Variants in TPRG1 observed in about 807,000 individuals in gnomAD.
TPRG1 encodes the protein tumor protein p63 regulated 1, also known as tumor protein p63-regulated gene 1 protein.
Under a neutral mutation model 29.3 loss-of-function variants are expected in TPRG1, and 29 were observed. The observed-to-expected ratio is 0.99, with a 90% CI of 0.74 to 1.35. The LOEUF is 1.35. Ranked by LOEUF, TPRG1 falls within the 40% of genes most tolerant of loss-of-function variation. The probability of loss-of-function intolerance (pLI) is 0.00; values close to 1 mark genes in which losing one functional copy is unlikely to be tolerated. For synonymous variants in TPRG1, 130 were observed against 116.8 expected (o/e 1.11, Z -0.73); for missense variants, 327 against 335.0 (o/e 0.98, Z 0.19).
At chr3:189,096,893 TTCTC>T (rs933390898), upstream of TPRG1, among the ~76,000 whole-genome samples, 2 of 151,610 alleles carry the variant, frequency 1.3e-5, no homozygotes, top group Non-Finnish European at 2.9e-5. Flanking sequence ...CTGTAGACAG[TTCTC>T]TCTCTCTCTC....
At chr3:189,127,128 T>A (rs1243129569) in exon 2 of TPRG1, 1 of 152,198 alleles carries the variant, frequency 6.6e-6, no homozygotes, top group Admixed American at 6.5e-5. Flanking sequence ...AGAAAGCCTG[T>A]TCCTCTTCAC....
chr3:189,091,376 C>T (rs571874659), intron 4 of TPRG1, among the ~76,000 whole-genome samples: 1 of 152,142 alleles, frequency 6.6e-6, no homozygotes, highest in African/African-American at 2.4e-5. Context: ...TGAATCGTGA[C>T]AAATATATAC....
chr3:189,155,921 G>A (rs1477397562), intron 5 of TPRG1, among the ~76,000 whole-genome samples: 2 of 152,180 alleles, frequency 1.3e-5, no homozygotes, highest in African/African-American at 4.8e-5. Flanking sequence ...ACAGCATGGT[G>A]ACTATAGTTA....
chr3:189,102,057 T>C (rs1488391976), intron 1 of TPRG1, among the ~76,000 whole-genome samples: 1 of 152,222 alleles, frequency 6.6e-6, no homozygotes, highest in African/African-American at 2.4e-5. Flanking sequence ...TCTCTCTATC[T>C]CTTAAAAGTC....
At chr3:189,257,065 T>A (rs568671747) in intron 4 of TPRG1, among the ~76,000 whole-genome samples, 3 of 152,356 alleles carry the variant, frequency 2.0e-5, no homozygotes, top group East Asian at 3.9e-4. Flanking sequence ...AGCTGGTTAT[T>A]TTGCCCATTA....
intron 4 of TPRG1, among the ~76,000 whole-genome samples, chr3:189,246,953 G>A (rs1291052573): frequency 6.6e-6 from 1 of 151,954 alleles, no homozygotes; most frequent in Non-Finnish European, 1.5e-5. Context: ...TGCTACATGT[G>A]CTTCTTTTTG....
At chr3:189,184,475 G>A (rs986964973) in intron 1 of TPRG1, among the ~76,000 whole-genome samples, 6 of 152,194 alleles carry the variant, frequency 3.9e-5, no homozygotes, top group African/African-American at 1.4e-4. Context: ...AAGTCTGCAA[G>A]TATATACAGA....
intron 5 of TPRG1, among the ~76,000 whole-genome samples, chr3:189,318,225 C>T (rs753070615): frequency 3.9e-5 from 6 of 152,122 alleles, no homozygotes; most frequent in Middle Eastern, 3.2e-3. Flanking sequence ...TCTGCCATAG[C>T]AAAAGATTGT....
chr3:189,035,480 A>G (rs1275581166), intron 4 of TPRG1, among the ~76,000 whole-genome samples: 1 of 152,164 alleles, frequency 6.6e-6, no homozygotes, highest in Non-Finnish European at 1.5e-5. Flanking sequence ...AGCAAAATAA[A>G]CTGTCAATAA....
At chr3:189,205,425 A>G (rs1180878107) in intron 1 of TPRG1, among the ~76,000 whole-genome samples, 1 of 152,232 alleles carries the variant, frequency 6.6e-6, no homozygotes, top group Admixed American at 6.5e-5. Flanking sequence ...ATAATTGTCA[A>G]TAGCACCCTT....
At chr3:189,145,456 A>G (rs1725145257) in intron 3 of TPRG1, among the ~76,000 whole-genome samples, 2 of 152,096 alleles carry the variant, frequency 1.3e-5, no homozygotes, top group African/African-American at 4.8e-5. Flanking sequence ...GAGTTCTGGC[A>G]TTGGAGAGAG....
At chr3:189,297,161 A>G (rs2109241928) in intron 4 of TPRG1, among the ~76,000 whole-genome samples, 1 of 152,032 alleles carries the variant, frequency 6.6e-6, no homozygotes, top group African/African-American at 2.4e-5. Flanking sequence ...TTATATTTTT[A>G]GTAGAGACAG....
At chr3:189,036,162 C>T (rs1190071489) in intron 4 of TPRG1, among the ~76,000 whole-genome samples, 2 of 151,940 alleles carry the variant, frequency 1.3e-5, no homozygotes, top group Non-Finnish European at 1.5e-5. Context: ...AATGAAGGAA[C>T]AGAAAAACAC....
At chr3:189,118,504 G>A (rs1340894379) in intron 1 of TPRG1, among the ~76,000 whole-genome samples, 3 of 152,172 alleles carry the variant, frequency 2.0e-5, no homozygotes, top group Admixed American at 1.3e-4. Flanking sequence ...TGTCTCCAGG[G>A]CTTGTCAGAG....
At chr3:189,268,391 G>A (rs1560627428) in intron 4 of TPRG1, among the ~76,000 whole-genome samples, 1 of 152,128 alleles carries the variant, frequency 6.6e-6, no homozygotes, top group Non-Finnish European at 1.5e-5. Flanking sequence ...TGTTATTTTT[G>A]AGTAATGGAC....
intron 2 of TPRG1, among the ~76,000 whole-genome samples, chr3:189,001,584 C>T (rs931433805): frequency 6.6e-6 from 1 of 152,104 alleles, no homozygotes; most frequent in African/African-American, 2.4e-5. Context: ...ACTTACCTCC[C>T]CAAAGTCCTA....
intron 5 of TPRG1, among the ~76,000 whole-genome samples, chr3:189,311,028 G>A (rs1161849483): frequency 6.6e-6 from 1 of 152,062 alleles, no homozygotes; most frequent in Non-Finnish European, 1.5e-5. Flanking sequence ...AGAATGATGT[G>A]TGTATAAATA....
chr3:189,232,878 A>AGGGAGAGAAATTGCTTTCCTTTAGTGCC (rs1688773922), intron 3 of TPRG1, among the ~76,000 whole-genome samples: 1 of 152,210 alleles, frequency 6.6e-6, no homozygotes, highest in Non-Finnish European at 1.5e-5. Flanking sequence ...CTTAACTCAG[A>AGGGAGAGAAATTGCTTTCCTTTAGTGCC]GGGAGAGAAA....
chr3:189,108,976 A>G (rs558610479), intron 1 of TPRG1, among the ~76,000 whole-genome samples: 1 of 152,212 alleles, frequency 6.6e-6, no homozygotes, highest in East Asian at 1.9e-4. Context: ...ACTCAGAAAT[A>G]GCCTGCTTGT....
Sources: gnomAD v4.1 joint callset for allele counts (sites outside exome capture counted in the v4.1 genomes callset) on GRCh38, gnomAD v4.1.1 for gene constraint, MANE v1.5 for transcripts, NCBI Gene and HGNC (gene_info 2026-07-23, HGNC 2026-07-21) for gene names.